INPP1: variants seen among roughly 807,000 people sequenced by gnomAD.
INPP1 encodes inositol polyphosphate 1-phosphatase.
INPP1 carries 18 observed loss-of-function variants against 23.0 expected under a neutral mutation model. The ratio of observed to expected loss-of-function variants is 0.78; its 90% CI spans 0.54 to 1.16. The LOEUF is 1.16. INPP1 is among the 50% of genes most tolerant of loss of function. The pLI is 0.00. For missense variants in INPP1, 448 were observed against 482.1 expected, an observed-to-expected ratio of 0.93 and a Z score of 0.66; for synonymous variants, 164 against 176.3, an observed-to-expected ratio of 0.93 and a Z score of 0.55.
At position 190,370,912 on chromosome 2, in the gene INPP1, T is replaced by A. The variant is rs756766193; in HGVS notation, c.710T>A (p.Ile237Asn). 27 of 1,613,996 alleles carry A rather than the reference T, an allele frequency of 1.7e-5. No individual in the cohort carries two copies. The South Asian group carries it at 3.0e-4, about 18-fold the overall frequency. ...GTNMHSLQLT[I>N]SRRNGSETHT... is the part of the protein sequence containing the mutation. Reference sequence around the variant, plus strand: ...AACATGCATTCACTACAGCTCACCATCTCTAGAAGAAACGGCAGTGAAACA... The same window carrying A: ...AACATGCATTCACTACAGCTCACCAACTCTAGAAGAAACGGCAGTGAAACA... Residue 237 changes from isoleucine to asparagine, a missense_variant, in exon 7 of 7, where the codon ATC becomes AAC. Coordinates refer to ENST00000392329, the MANE Select transcript of INPP1 (RefSeq NM_001128928.2).
intron 4 of INPP1, among the ~76,000 whole-genome samples, chr2:190,364,414 C>G (rs190022863): frequency 6.6e-6 from 1 of 151,420 alleles, no homozygotes; most frequent in Non-Finnish European, 1.5e-5. Context: ...TGGTGGCGGG[C>G]GCCTGTAGTC....
chr2:190,358,329 G>A (rs1689464565), intron 2 of INPP1, among the ~76,000 whole-genome samples: 1 of 152,010 alleles, frequency 6.6e-6, no homozygotes, highest in African/African-American at 2.4e-5. Context: ...CATGCGCCTT[G>A]GCCTCCCAAA....
chr2:190,362,582 G>C (rs770050683), intron 3 of INPP1, 45 bp from the exon 4 acceptor site: 1 of 1,193,562 alleles, frequency 8.4e-7, no homozygotes, highest in East Asian at 2.4e-5. Flanking sequence ...TTGAGCATAT[G>C]TGTGGGTTTT....
At chr2:190,358,369 G>A (rs373623382) in intron 2 of INPP1, among the ~76,000 whole-genome samples, 15 of 151,830 alleles carry the variant, frequency 9.9e-5, no homozygotes, top group African/African-American at 2.4e-4. Context: ...GAGCCACTGC[G>A]CCCAGTCCCG....
At chr2:190,366,458 GCTCT>G (rs535716175) in intron 4 of INPP1, among the ~76,000 whole-genome samples, 60 of 142,798 alleles carry the variant, frequency 4.2e-4, no homozygotes, top group African/African-American at 7.9e-4. Context: ...TCTCTGTCTT[GCTCT>G]CTCTGTCTCT....
chr2:190,358,748 T>G (rs1367702763), intron 2 of INPP1, among the ~76,000 whole-genome samples: 1 of 152,192 alleles, frequency 6.6e-6, no homozygotes, highest in Non-Finnish European at 1.5e-5. Context: ...TTATTAAAAA[T>G]GAGAACTGTT....
chr2:190,366,194 G>T (rs201800197), intron 4 of INPP1, among the ~76,000 whole-genome samples: 4 of 142,944 alleles, frequency 2.8e-5, no homozygotes, highest in Non-Finnish European at 3.1e-5. Context: ...TCTGTCTCTT[G>T]CTCTGTCTCG....
chr2:190,345,972 C>T lies in INPP1; in HGVS notation c.-209+2011C>T, dbSNP rs1308529615. On this transcript the variant is annotated intron_variant, in intron 1 of 6. Transcript: ENST00000392329. The surrounding 1 kb of genome is among the most constrained non-coding windows in gnomAD (Gnocchi z 4.9). ...TCGCGCCACTGCACTCCAGCCTGGG[C>T]GACAAAGCAAGACTTCATCTCAAAA... Among the ~76,000 whole-genome samples, 2 of 151,910 alleles carry T rather than the reference C, an allele frequency of 1.3e-5. No individual in the cohort carries two copies. Among genetic ancestry groups the T allele is most frequent in the Admixed American group, 1.3e-4 (2 of 15,246 alleles).
chr2:190,351,423 C>G (rs1312825214), intron 2 of INPP1, among the ~76,000 whole-genome samples: 1 of 152,352 alleles, frequency 6.6e-6, no homozygotes, highest in East Asian at 1.9e-4. Context: ...ACTCGTGTAA[C>G]CATCACTCAT....
intron 6 of INPP1, among the ~76,000 whole-genome samples, chr2:190,370,032 CT>C (rs1559086856): frequency 6.6e-6 from 1 of 152,204 alleles, no homozygotes; most frequent in Non-Finnish European, 1.5e-5. Flanking sequence ...TATTTTCCCC[CT>C]ACCCCCACCA....
At chr2:190,365,550 T>TA (rs1689627957) in intron 4 of INPP1, among the ~76,000 whole-genome samples, 1 of 152,188 alleles carries the variant, frequency 6.6e-6, no homozygotes. Context: ...ATGTATCCCT[T>TA]AACTGGGATA....
At chr2:190,359,989 G>T in intron 2 of INPP1, 50 bp from the exon 3 acceptor site, 1 of 1,055,268 alleles carries the variant, frequency 9.5e-7, no homozygotes, top group African/African-American at 1.6e-5. Context: ...GAGGCACCCT[G>T]ACATCACTCT....
At chr2:190,362,349 A>T (rs1012792237) in intron 3 of INPP1, among the ~76,000 whole-genome samples, 3 of 152,192 alleles carry the variant, frequency 2.0e-5, no homozygotes, top group African/African-American at 7.2e-5. Context: ...AAGTTTCTAG[A>T]AGTACTTTTG....
intron 2 of INPP1, among the ~76,000 whole-genome samples, chr2:190,359,035 C>G (rs1689480655): frequency 6.6e-6 from 1 of 152,178 alleles, no homozygotes; most frequent in Non-Finnish European, 1.5e-5. Flanking sequence ...CGCAGTGGCT[C>G]ACACCTGTAG....
Position 190,371,423 on chromosome 2 carries a change from A to G in INPP1, c.*21A>G, listed in dbSNP as rs770373809. 2.0e-6 allele frequency: 3 copies of G among 1,496,436 alleles called. No individual in the cohort carries two copies. Among genetic ancestry groups the G allele is most frequent in the African/African-American group, 1.4e-5 (1 of 71,390 alleles). The allele number at this position is 1,496,436 out of a possible 1,614,324, so 92.7% of individuals were successfully genotyped here. ...CCTAGAGGAACTCTAACCCCGGTGT[A>G]CCTGTATAAACTGAACTGTGAAACT... On this transcript the variant is annotated 3_prime_UTR_variant, in exon 7 of 7. Coordinates refer to ENST00000392329, the MANE Select transcript of INPP1 (RefSeq NM_001128928.2). The surrounding 1 kb of genome is among the most constrained non-coding windows in gnomAD (Gnocchi z 5.3).
Position 190,371,136 on chromosome 2 carries a change from A to G in INPP1, c.934A>G (p.Thr312Ala), listed in dbSNP as rs1575794905. The G allele has an allele frequency of 5.6e-6, 9 of 1,614,210 alleles. No homozygotes were observed. The African/African-American group carries it at 6.7e-5, about 12-fold the overall frequency. Residue 312 changes from threonine to alanine, a missense_variant, in exon 7 of 7, where the codon ACA (threonine) becomes GCA (alanine). Transcript: ENST00000392329. The surrounding 1 kb of genome is among the most constrained non-coding windows in gnomAD (Gnocchi z 5.3). ...VDIYIFSEDT[T>A]FKWDSCAAHA... ...CATTTACATCTTTTCAGAAGATACC[A>G]CATTCAAATGGGACTCTTGTGCTGC... is the stretch of plus-strand genomic sequence containing the variant.
intron 4 of INPP1, among the ~76,000 whole-genome samples, chr2:190,364,768 T>C (rs1689611468): frequency 1.3e-5 from 2 of 151,594 alleles, no homozygotes; most frequent in Non-Finnish European, 1.5e-5. Context: ...GCCTAGCTAA[T>C]TTTTTTATAC....
At chr2:190,358,105 A>G (rs1414629513) in intron 2 of INPP1, among the ~76,000 whole-genome samples, 1 of 127,148 alleles carries the variant, frequency 7.9e-6, no homozygotes, top group Non-Finnish European at 1.6e-5. Flanking sequence ...TTTGAGACAG[A>G]GTCTTGCTCT....
At chr2:190,357,226 T>G (rs1689436152) in intron 2 of INPP1, among the ~76,000 whole-genome samples, 1 of 152,212 alleles carries the variant, frequency 6.6e-6, no homozygotes, top group Non-Finnish European at 1.5e-5. Context: ...ATTTAGACAT[T>G]TGCCTCGAGG....
Sources: allele counts gnomAD v4.1 joint callset (sites outside exome capture counted in the v4.1 genomes callset), GRCh38; gene constraint gnomAD v4.1.1; non-coding constraint Gnocchi (gnomAD v3.1); transcripts MANE v1.5; gene names NCBI Gene and HGNC (gene_info 2026-07-23, HGNC 2026-07-21).